THBS4: variants seen among roughly 807,000 people sequenced by gnomAD.
THBS4 encodes the protein thrombospondin 4.
THBS4 carries 90 observed loss-of-function variants against 115.7 expected under a neutral mutation model. That is an observed-to-expected ratio of 0.78 (90% CI 0.66 to 0.93). THBS4 has a LOEUF of 0.93. Among genes scored for constraint, THBS4 ranks in the 40% least tolerant of loss-of-function variants. THBS4 has a pLI of 0.00. For missense variants in THBS4, 1,087 were observed against 1,232.7 expected (o/e 0.88, Z 1.77); for synonymous variants, 460 against 479.3 (o/e 0.96, Z 0.53).
chr5:80,017,739 T>C (rs1365092903), intron 2 of THBS4, among the ~76,000 whole-genome samples: 4 of 152,242 alleles, frequency 2.6e-5, no homozygotes, highest in South Asian at 4.1e-4. Flanking sequence ...ATTCATTTTC[T>C]GTGAGCCTCA....
chr5:80,014,689 G>A (rs1832212911), intron 2 of THBS4, among the ~76,000 whole-genome samples: 1 of 152,212 alleles, frequency 6.6e-6, no homozygotes, highest in South Asian at 2.1e-4. Context: ...GGAATGTGAA[G>A]AAGAGACTTT....
chr5:80,079,386 G>C (rs1197817871), intron 19 of THBS4, 128 bp downstream of exon 19: 1 of 1,043,272 alleles, frequency 9.6e-7, no homozygotes, highest in Non-Finnish European at 1.3e-6. Context: ...TAACGTTAGA[G>C]TCAGGGAAGA....
At chr5:80,023,993 C>T (rs138010708) in intron 2 of THBS4, among the ~76,000 whole-genome samples, 1 of 152,256 alleles carries the variant, frequency 6.6e-6, no homozygotes, top group African/African-American at 2.4e-5. Context: ...CCTCCCCACA[C>T]CACCGCAAAG....
intron 1 of THBS4, among the ~76,000 whole-genome samples, chr5:79,997,796 A>G (rs1344936675): frequency 6.6e-6 from 1 of 152,210 alleles, no homozygotes; most frequent in Admixed American, 6.5e-5. Context: ...AATGCAGAAT[A>G]TATTACTTGA....
At chr5:80,082,682 G>A in intron 21 of THBS4, 137 bp downstream of exon 21, 1 of 1,064,618 alleles carries the variant, frequency 9.4e-7, no homozygotes, top group Non-Finnish European at 1.4e-6. Flanking sequence ...TAGTCCCTGT[G>A]TACCAGAAGT....
intron 2 of THBS4, among the ~76,000 whole-genome samples, chr5:80,001,912 A>G (rs1474268703): frequency 6.6e-6 from 1 of 152,170 alleles, no homozygotes; most frequent in East Asian, 1.9e-4. Context: ...TTTACATTAA[A>G]CCATATTTAC....
intron 2 of THBS4, among the ~76,000 whole-genome samples, chr5:79,998,951 C>A (rs940652177): frequency 7.2e-5 from 11 of 152,092 alleles, no homozygotes; most frequent in African/African-American, 2.7e-4. Flanking sequence ...GAATCAGTAA[C>A]AATGAATAAG....
At chr5:80,082,624 TC>T (rs59301311) in intron 21 of THBS4, 79 bp downstream of exon 21, 7 of 1,550,380 alleles carry the variant, frequency 4.5e-6, no homozygotes, top group African/African-American at 4.1e-5. Flanking sequence ...ATACCGCACT[TC>T]CCCCCCAAAA....
chr5:80,045,680 G>A (rs1251707926), intron 2 of THBS4, among the ~76,000 whole-genome samples: 2 of 151,892 alleles, frequency 1.3e-5, no homozygotes, highest in Non-Finnish European at 2.9e-5. Context: ...ATAGGCATGC[G>A]CCACCAGACC....
chr5:80,032,985 G>T (rs1347949445), upstream of THBS4, among the ~76,000 whole-genome samples: 5 of 152,038 alleles, frequency 3.3e-5, no homozygotes, highest in Non-Finnish European at 7.4e-5. Flanking sequence ...TAGTTTTTTT[G>T]TTGTTTGTTT....
chr5:80,035,896 C>T lies in THBS4; in HGVS notation c.88+271C>T, dbSNP rs551179525. On this transcript the variant is annotated intron_variant, in intron 1 of 21. Coordinates refer to ENST00000350881, the MANE Select transcript of THBS4 (RefSeq NM_003248.6). The surrounding 1 kb of genome is among the most constrained non-coding windows in gnomAD (Gnocchi z 4.6). ...ATGCAAAGATGTGGGGTGGGGTTGC[C>T]TTCAAAACTTGCTACACGGTCCTAG... is the stretch of plus-strand genomic sequence containing the variant. 1.6e-4 allele frequency: 143 copies of T among 882,644 alleles called. No homozygotes were observed. In the African/African-American group the frequency reaches 2.3e-3, roughly 14 times the overall value. 54.7% of individuals were successfully genotyped at this position (882,644 alleles called of 1,614,324 possible). A position where few individuals can be genotyped will look rare whatever the true frequency, so the allele number is the denominator to read the frequency against.
chr5:80,060,436 G>T (rs764415928), intron 7 of THBS4, among the ~76,000 whole-genome samples: 2 of 152,188 alleles, frequency 1.3e-5, no homozygotes, highest in Non-Finnish European at 2.9e-5. Context: ...TTGACCGGCT[G>T]GCAGAGCCCC....
chr5:80,064,404 G>A (rs1458391246), intron 8 of THBS4, among the ~76,000 whole-genome samples: 2 of 152,184 alleles, frequency 1.3e-5, no homozygotes, highest in South Asian at 2.1e-4. Flanking sequence ...GGCTACTGAA[G>A]ATATGCTTAT....
At chr5:80,070,203 C>A (rs1833982888) in intron 10 of THBS4, 103 bp from the exon 11 acceptor site, 4 of 919,722 alleles carry the variant, frequency 4.3e-6, no homozygotes, top group Non-Finnish European at 3.3e-6. Flanking sequence ...TGACTCTGGG[C>A]CCTCCCCCTG....
intron 15 of THBS4, chr5:80,074,443 C>G (rs889399810): frequency 1.3e-5 from 2 of 152,150 alleles, no homozygotes; most frequent in Admixed American, 6.5e-5. Flanking sequence ...CCTTTTGTCT[C>G]CATAGGGAAT....
intron 2 of THBS4, 40 bp downstream of exon 2, chr5:80,040,320 T>C (rs1386595374): frequency 6.6e-7 from 1 of 1,507,628 alleles, no homozygotes; most frequent in Non-Finnish European, 9.1e-7. Flanking sequence ...AAAAATCTCC[T>C]TTTTCTATTC....
intron 8 of THBS4, among the ~76,000 whole-genome samples, chr5:80,063,236 G>A (rs1833701378): frequency 6.6e-6 from 1 of 152,184 alleles, no homozygotes; most frequent in African/African-American, 2.4e-5. Flanking sequence ...TCTAACTGGT[G>A]TGAGAAGGCA....
At chr5:79,994,033 C>A (rs1278347996) in intron 1 of THBS4, among the ~76,000 whole-genome samples, 1 of 152,174 alleles carries the variant, frequency 6.6e-6, no homozygotes, top group Non-Finnish European at 1.5e-5. Context: ...ACATTGATAC[C>A]TCTGCTCATT....
intron 2 of THBS4, among the ~76,000 whole-genome samples, chr5:80,011,678 G>A (rs970383150): frequency 1.3e-5 from 2 of 152,030 alleles, no homozygotes; most frequent in African/African-American, 4.8e-5. Context: ...ACTTAGGTAG[G>A]CTTCAGAATG....
Sources: gnomAD v4.1 joint callset for allele counts (sites outside exome capture counted in the v4.1 genomes callset) on GRCh38, gnomAD v4.1.1 for gene constraint, Gnocchi (gnomAD v3.1) non-coding constraint, MANE v1.5 for transcripts, NCBI Gene and HGNC (gene_info 2026-07-23, HGNC 2026-07-21) for gene names.